The following BTG3 variants were observed in gnomAD, a reference collection of about 807,000 sequenced individuals.
BTG3 encodes BTG anti-proliferation factor 3.
BTG3 carries 4 observed loss-of-function variants against 25.8 expected under a neutral mutation model. The ratio of observed to expected loss-of-function variants is 0.16; its 90% confidence interval spans 0.08 to 0.36. The LOEUF (loss-of-function observed/expected upper bound fraction) is 0.36. Ranked by LOEUF, BTG3 falls within the 10% of genes least tolerant of loss-of-function variation. The pLI is 1.00. For synonymous variants in BTG3, 107 were observed against 99.9 expected (o/e 1.07, Z -0.42); for missense variants, 201 against 304.9 (o/e 0.66, Z 2.54).
At chr21:17,601,515 C>T (rs1022217478) in intron 3 of BTG3, among the ~76,000 whole-genome samples, 1 of 152,158 alleles carries the variant, frequency 6.6e-6, no homozygotes, top group African/African-American at 2.4e-5. Flanking sequence ...CACAGCAAGA[C>T]CCTCTCTCTA....
In BTG3 at chr21:17,604,972, T is replaced by C; in HGVS notation, c.199A>G (p.Arg67Gly). The C allele has an allele frequency of 1.9e-6, 3 of 1,614,020 alleles. No individual in the cohort carries two copies. The highest frequency in any genetic ancestry group is 2.5e-6 in the Non-Finnish European group (3 of 1,179,950). Residue 67 changes from arginine to glycine, a missense_variant, in exon 3 of 5, where the codon AGA becomes GGA. Arg to Gly is a moderately radical substitution (Grantham distance 125). Coordinates refer to ENST00000348354, the MANE Select transcript of BTG3 (RefSeq NM_006806.5). ...GCTTTCAGGACATCAGGATCAACTC[T>C]CTGAAATTTATTGACACGAATACAT... ...YRCIRVNKFQ[R>G]VDPDVLKACE...
At chr21:17,596,284 ATTTT>A (rs1395120669) in intron 4 of BTG3, among the ~76,000 whole-genome samples, 2 of 152,024 alleles carry the variant, frequency 1.3e-5, no homozygotes, top group Non-Finnish European at 2.9e-5. Context: ...AAGATGATTA[ATTTT>A]GATGAAGTCC....
intron 1 of BTG3, chr21:17,612,312 C>T (rs1289931673): frequency 1.3e-5 from 2 of 152,262 alleles, no homozygotes; most frequent in Non-Finnish European, 2.9e-5. Context: ...GGAGGCGCGA[C>T]TCTCCAGCAA....
intron 2 of BTG3, among the ~76,000 whole-genome samples, chr21:17,606,244 T>C (rs1184807569): frequency 6.6e-6 from 1 of 151,880 alleles, no homozygotes; most frequent in Admixed American, 6.6e-5. Context: ...GCAGAGAGAG[T>C]TTGAGTAACT....
At chr21:17,599,489 T>C (rs796677506) in intron 3 of BTG3, among the ~76,000 whole-genome samples, 1 of 150,588 alleles carries the variant, frequency 6.6e-6, no homozygotes, top group African/African-American at 2.5e-5. Flanking sequence ...TTTTTTTTTT[T>C]TTTTTGAGAC....
At position 17,602,900 on chromosome 21, in the gene BTG3, A is replaced by T. The variant is rs77065715; in HGVS notation, c.311+1960T>A. On this transcript the variant is annotated intron_variant, in intron 3 of 4. Coordinates refer to ENST00000348354, the MANE Select transcript of BTG3 (RefSeq NM_006806.5). ...TAACTTGTTAAACATCCTTGGACAT[A>T]AAAACTTTCCCCTGATGGTTTAGGA... is the stretch of plus-strand genomic sequence containing the variant. Among the ~76,000 whole-genome samples, 197 of 152,354 alleles carry T rather than the reference A, an allele frequency of 1.3e-3. 1 individual carries two copies. The highest frequency in any genetic ancestry group is 4.6e-3 in the African/African-American group (191 of 41,586).
intron 3 of BTG3, 142 bp from the exon 4 acceptor site, chr21:17,598,966 T>C (rs2061537825): frequency 3.0e-6 from 2 of 665,090 alleles, no homozygotes; most frequent in East Asian, 5.4e-5. Flanking sequence ...ACACATTTAA[T>C]ATCCTAATAC....
At chr21:17,597,799 A>C (rs527571079) in intron 4 of BTG3, among the ~76,000 whole-genome samples, 1 of 152,296 alleles carries the variant, frequency 6.6e-6, no homozygotes, top group African/African-American at 2.4e-5. Context: ...TGCTGAATTT[A>C]AAAGTTTAGT....
intron 4 of BTG3, among the ~76,000 whole-genome samples, chr21:17,596,814 G>C (rs1385350362): frequency 6.6e-6 from 1 of 151,974 alleles, no homozygotes; most frequent in Non-Finnish European, 1.5e-5. Context: ...TGGATCTACA[G>C]ATCTATTTCA....
intron 1 of BTG3, among the ~76,000 whole-genome samples, chr21:17,610,875 C>A (rs926262402): frequency 6.6e-6 from 1 of 152,226 alleles, no homozygotes; most frequent in African/African-American, 2.4e-5. Context: ...GAATATGACT[C>A]CTTTATTCCA....
chr21:17,601,484 A>G (rs1324626924), intron 3 of BTG3, among the ~76,000 whole-genome samples: 1 of 152,200 alleles, frequency 6.6e-6, no homozygotes, highest in Non-Finnish European at 1.5e-5. Flanking sequence ...TGATCATGCC[A>G]CCGCATTCCA....
Position 17,607,319 on chromosome 21 carries a change from A to T in BTG3, c.173+1653T>A, listed in dbSNP as rs2824393. On this transcript the variant is annotated intron_variant, in intron 2 of 4. Transcript: ENST00000348354. ...AAAAGCCTTCATCCAATGTCAGTTA[A>T]ATCAGAGTAAAAAGCCTCAACAGTT... 6.3e-3 allele frequency among the ~76,000 whole-genome samples: 964 copies of T among 152,324 alleles called. 59 individuals carry two copies. The East Asian group carries it at 0.13, about 21-fold the overall frequency.
At chr21:17,601,356 A>G (rs1416010467) in intron 3 of BTG3, among the ~76,000 whole-genome samples, 2 of 152,094 alleles carry the variant, frequency 1.3e-5, no homozygotes, top group Non-Finnish European at 2.9e-5. Context: ...GACTCTTCGT[A>G]GTATAAAATA....
At chr21:17,611,224 A>G (rs2061718310) in intron 1 of BTG3, among the ~76,000 whole-genome samples, 1 of 152,198 alleles carries the variant, frequency 6.6e-6, no homozygotes, top group Non-Finnish European at 1.5e-5. Flanking sequence ...CGGGTTGGGA[A>G]GAAAGTTTTG....
intron 3 of BTG3, among the ~76,000 whole-genome samples, chr21:17,603,974 G>A (rs2061604868): frequency 6.6e-6 from 1 of 152,144 alleles, no homozygotes; most frequent in African/African-American, 2.4e-5. Flanking sequence ...TTTCGTTTTT[G>A]AAAACCCTAC....
intron 3 of BTG3, among the ~76,000 whole-genome samples, chr21:17,602,531 A>G (rs746847953): frequency 4.6e-5 from 7 of 152,200 alleles, no homozygotes; most frequent in Admixed American, 2.0e-4. Context: ...CTGTTAACTT[A>G]TATCAACCAC....
In BTG3 at chr21:17,593,940, G is replaced by T; in HGVS notation, c.*153C>A. On this transcript the variant is annotated 3_prime_UTR_variant, in exon 5 of 5. Transcript: ENST00000348354. ...TATCTAAAGTGCATATATTTTTTAAGAAAGATTATTCTCAATAACTTCTAT... is the reference window on the plus strand; with the variant it reads ...TATCTAAAGTGCATATATTTTTTAATAAAGATTATTCTCAATAACTTCTAT... The T allele has an allele frequency of 2.0e-6, 2 of 984,562 alleles. No individual in the cohort carries two copies. Among genetic ancestry groups the T allele is most frequent in the Non-Finnish European group, 1.4e-6 (1 of 703,190 alleles). 61.0% of individuals were successfully genotyped at this position (984,562 alleles called of 1,614,324 possible).
rs549966971 is a variant in BTG3 at position 17,598,095 on chromosome 21, A to C, written c.519+522T>G. On this transcript the variant is annotated intron_variant, in intron 4 of 4. Coordinates refer to ENST00000348354, the MANE Select transcript of BTG3 (RefSeq NM_006806.5). ...AAATGTTCTTTGGTATGTAGATATA[A>C]ATAGTAAATCAGTGAATGGATCTGT... Among the ~76,000 whole-genome samples, 3 of 152,300 alleles carry C rather than the reference A, an allele frequency of 2.0e-5. No homozygotes were observed. The South Asian group carries it at 6.2e-4, about 32-fold the overall frequency.
intron 4 of BTG3, among the ~76,000 whole-genome samples, chr21:17,598,271 C>T (rs1376793751): frequency 2.0e-5 from 3 of 151,826 alleles, no homozygotes; most frequent in Non-Finnish European, 4.4e-5. Context: ...AAGTTAAACC[C>T]AAAGGTACAA....
Sources: allele counts gnomAD v4.1 joint callset (sites outside exome capture counted in the v4.1 genomes callset), GRCh38; gene constraint gnomAD v4.1.1; transcripts MANE v1.5; gene names NCBI Gene and HGNC (gene_info 2026-07-23, HGNC 2026-07-21).